Variants in CACNG3 observed in about 807,000 individuals in gnomAD.
CACNG3 encodes calcium voltage-gated channel auxiliary subunit gamma 3.
In CACNG3, 3 loss-of-function variants were observed where a neutral mutation model predicts 28.5. The ratio of observed to expected loss-of-function variants is 0.11; its 90% CI spans 0.05 to 0.27. The LOEUF is 0.27. Among genes scored for constraint, CACNG3 ranks in the 10% least tolerant of loss-of-function variants. The probability of loss-of-function intolerance (pLI) is 1.00; values close to 1 mark genes in which losing one functional copy is unlikely to be tolerated. For missense variants in CACNG3, 236 were observed against 414.4 expected (o/e 0.57, Z 3.74); for synonymous variants, 174 against 162.2 (o/e 1.07, Z -0.55).
intron 3 of CACNG3, among the ~76,000 whole-genome samples, chr16:24,358,760 C>A (rs1490414836): frequency 2.0e-5 from 3 of 148,424 alleles, no homozygotes; most frequent in Non-Finnish European, 4.4e-5. Flanking sequence ...CTCACTTCAA[C>A]CATTTTCTAT....
chr16:24,288,818 A>T (rs1362071014), intron 1 of CACNG3, among the ~76,000 whole-genome samples: 1 of 152,170 alleles, frequency 6.6e-6, no homozygotes, highest in Non-Finnish European at 1.5e-5. Flanking sequence ...AAGCTGAAAC[A>T]CTGCAAAATG....
intron 1 of CACNG3, among the ~76,000 whole-genome samples, chr16:24,340,967 G>A (rs1899778839): frequency 6.6e-6 from 1 of 152,200 alleles, no homozygotes; most frequent in African/African-American, 2.4e-5. Context: ...ACTTAAAGCT[G>A]TGCTCTTCTC....
chr16:24,280,122 G>A (rs1898805273), intron 1 of CACNG3, among the ~76,000 whole-genome samples: 1 of 152,208 alleles, frequency 6.6e-6, no homozygotes. Context: ...AAGTCTGAAT[G>A]CAACACCAGG....
chr16:24,299,637 A>G (rs1899079825), intron 1 of CACNG3, among the ~76,000 whole-genome samples: 1 of 152,126 alleles, frequency 6.6e-6, no homozygotes, highest in Non-Finnish European at 1.5e-5. Flanking sequence ...ATTCATAACT[A>G]TTTCCATATT....
intron 1 of CACNG3, among the ~76,000 whole-genome samples, chr16:24,338,614 G>A (rs1015750288): frequency 6.6e-6 from 1 of 152,130 alleles, no homozygotes; most frequent in African/African-American, 2.4e-5. Flanking sequence ...CAAAGTGCTG[G>A]GATTACAGGC....
At chr16:24,264,234 G>A (rs948048261) in intron 1 of CACNG3, among the ~76,000 whole-genome samples, 24 of 152,220 alleles carry the variant, frequency 1.6e-4, no homozygotes, top group African/African-American at 5.8e-4. Context: ...CCGAGGGGTC[G>A]AGTAGGGGCT....
intron 1 of CACNG3, among the ~76,000 whole-genome samples, chr16:24,316,498 C>T (rs1899354550): frequency 6.6e-6 from 1 of 152,200 alleles, no homozygotes; most frequent in Admixed American, 6.5e-5. Context: ...GCGGGAAGGA[C>T]ATGGCCTGCT....
At chr16:24,289,568 G>A (rs1369120918) in intron 1 of CACNG3, among the ~76,000 whole-genome samples, 3 of 152,302 alleles carry the variant, frequency 2.0e-5, no homozygotes, top group Admixed American at 2.0e-4. Flanking sequence ...CACAATGGGT[G>A]GCCACCCACT....
intron 1 of CACNG3, among the ~76,000 whole-genome samples, chr16:24,295,401 A>C (rs1177574439): frequency 6.6e-6 from 1 of 152,212 alleles, no homozygotes; most frequent in African/African-American, 2.4e-5. Context: ...GTCAGTCTCC[A>C]GAGACAGTGC....
At chr16:24,290,258 T>C (rs963131467) in intron 1 of CACNG3, among the ~76,000 whole-genome samples, 5 of 152,178 alleles carry the variant, frequency 3.3e-5, no homozygotes, top group Non-Finnish European at 5.9e-5. Context: ...TAAGACAAAA[T>C]AGGATAATTT....
At chr16:24,292,616 C>T (rs1392070660) in intron 1 of CACNG3, among the ~76,000 whole-genome samples, 1 of 152,136 alleles carries the variant, frequency 6.6e-6, no homozygotes, top group Non-Finnish European at 1.5e-5. Flanking sequence ...CTCTCTCCCT[C>T]TCCCCTTCTT....
At chr16:24,317,560 AAGAAAGAAAG>A (rs1899370967) in intron 1 of CACNG3, among the ~76,000 whole-genome samples, 1 of 28,536 alleles carries the variant, frequency 3.5e-5, no homozygotes, top group Non-Finnish European at 5.9e-5. Context: ...AAGAAAAAGA[AAGAAAGAAAG>A]AAAGAAAGAA....
At chr16:24,355,332 G>A (rs149423421) in intron 3 of CACNG3, among the ~76,000 whole-genome samples, 1 of 152,018 alleles carries the variant, frequency 6.6e-6, no homozygotes, top group East Asian at 1.9e-4. Context: ...TGATTGACTG[G>A]GGAGGCTACA....
intron 1 of CACNG3, among the ~76,000 whole-genome samples, chr16:24,276,650 C>T (rs561353039): frequency 6.6e-6 from 1 of 152,278 alleles, no homozygotes; most frequent in East Asian, 1.9e-4. Flanking sequence ...ATTGTTCCAC[C>T]ATCACTGGGA....
At chr16:24,354,376 T>C (rs1249129312) in intron 2 of CACNG3, among the ~76,000 whole-genome samples, 1 of 152,034 alleles carries the variant, frequency 6.6e-6, no homozygotes, top group Admixed American at 6.5e-5. Context: ...CTGACTCTCC[T>C]TGTGTCCGTG....
chr16:24,337,362 C>A (rs1344063818), intron 1 of CACNG3, among the ~76,000 whole-genome samples: 1 of 152,168 alleles, frequency 6.6e-6, no homozygotes, highest in East Asian at 1.9e-4. Flanking sequence ...GCCTTATACC[C>A]CTTTGTGATT....
chr16:24,303,133 A>C (rs1042259957), intron 1 of CACNG3, among the ~76,000 whole-genome samples: 1 of 151,938 alleles, frequency 6.6e-6, no homozygotes, highest in African/African-American at 2.4e-5. Flanking sequence ...GTTAAGGTGC[A>C]ACTGGGCCTA....
chr16:24,306,233 G>A (rs189892416), intron 1 of CACNG3, among the ~76,000 whole-genome samples: 3 of 152,316 alleles, frequency 2.0e-5, no homozygotes, highest in Admixed American at 2.0e-4. Context: ...CTTTGCATTT[G>A]ACTGCAGCTT....
At chr16:24,341,026 T>C (rs558630812) in intron 1 of CACNG3, among the ~76,000 whole-genome samples, 15 of 152,370 alleles carry the variant, frequency 9.8e-5, no homozygotes, top group African/African-American at 3.6e-4. Flanking sequence ...CCATCTCTCT[T>C]GGTTCCATCT....
Sources: gnomAD v4.1 joint callset for allele counts (sites outside exome capture counted in the v4.1 genomes callset) on GRCh38, gnomAD v4.1.1 for gene constraint, MANE v1.5 for transcripts, NCBI Gene and HGNC (gene_info 2026-07-23, HGNC 2026-07-21) for gene names.